Variants in SYT13 observed in about 807,000 individuals in gnomAD.
SYT13 encodes the protein synaptotagmin-13.
SYT13 carries 21 observed loss-of-function variants against 38.6 expected under a neutral mutation model. The ratio of observed to expected loss-of-function variants is 0.54; its 90% confidence interval spans 0.39 to 0.78. The LOEUF is 0.78. Ranked by LOEUF, SYT13 falls within the 30% of genes least tolerant of loss-of-function variation. The pLI, the probability that SYT13 is intolerant of heterozygous loss-of-function variation, is 0.00. For missense variants in SYT13, 495 were observed against 548.7 expected, an observed-to-expected ratio of 0.90 and a Z score of 0.98; for synonymous variants, 241 against 237.6, an observed-to-expected ratio of 1.01 and a Z score of -0.13.
At chr11:45,264,353 G>A (rs1854856175) in intron 1 of SYT13, among the ~76,000 whole-genome samples, 1 of 152,182 alleles carries the variant, frequency 6.6e-6, no homozygotes, top group South Asian at 2.1e-4. Context: ...GCAAATGTGA[G>A]AAGACAATGC....
At chr11:45,260,485 G>C (rs1014341990) in intron 1 of SYT13, among the ~76,000 whole-genome samples, 1 of 152,150 alleles carries the variant, frequency 6.6e-6, no homozygotes, top group Admixed American at 6.5e-5. Flanking sequence ...AAGAATGTCT[G>C]GGGGAAGGAG....
In SYT13 at chr11:45,248,253, T is replaced by C. The variant is rs112989103; in HGVS notation, c.847-1741A>G. ...TTAAACACTGTGTGTGAAGTGCAAT[T>C]ACATTGTCCATCCCACTAGAAAGTA... On this transcript the variant is annotated intron_variant, in intron 4 of 5. Transcript: ENST00000020926. Among the ~76,000 whole-genome samples the C allele has an allele frequency of 2.2e-4, 33 of 152,316 alleles. 1 individual carries two copies. Among genetic ancestry groups the C allele is most frequent in the Admixed American group, 7.8e-4 (12 of 15,308 alleles).
intron 1 of SYT13, among the ~76,000 whole-genome samples, chr11:45,265,185 C>G (rs1255500829): frequency 1.3e-5 from 2 of 152,236 alleles, no homozygotes; most frequent in Non-Finnish European, 2.9e-5. Flanking sequence ...TTCAGGTACA[C>G]TCAACAATAG....
At chr11:45,254,505 C>T in intron 2 of SYT13, 101 bp from the exon 3 acceptor site, 2 of 1,493,478 alleles carry the variant, frequency 1.3e-6, no homozygotes, top group South Asian at 1.4e-5. Context: ...AACCCAAACC[C>T]AAGTCTTCCC....
chr11:45,286,169 C>T lies in SYT13; in HGVS notation c.39G>A (p.Thr13=), dbSNP rs1855133497. ...CGAGGATGCTGGTGGCTGTGCCCAG[C>T]GTGGCGCCCAGCGCGATCACAGGCA... ...LSVPVIALGA[T]LGTATSILAL... The change falls in exon 1 of 6, where the codon ACG becomes ACA. Residue 13 remains threonine, a synonymous_variant. Coordinates refer to ENST00000020926, the MANE Select transcript of SYT13 (RefSeq NM_020826.3). 1.3e-6 allele frequency: 2 copies of T among 1,583,338 alleles called. No homozygotes were observed. The highest frequency in any genetic ancestry group is 8.6e-7 in the Non-Finnish European group (1 of 1,168,406).
intron 1 of SYT13, among the ~76,000 whole-genome samples, chr11:45,270,458 T>C (rs1004880175): frequency 1.3e-5 from 2 of 152,234 alleles, no homozygotes; most frequent in Admixed American, 1.3e-4. Context: ...TACATGATTC[T>C]ATGGTGTTCA....
Position 45,246,414 on chromosome 11 carries a change from G to A in SYT13, c.945C>T (p.His315=). The A allele has an allele frequency of 1.2e-6, 2 of 1,614,120 alleles. No individual in the cohort carries two copies. Among genetic ancestry groups the A allele is most frequent in the Non-Finnish European group, 1.7e-6 (2 of 1,179,998 alleles). The part of the protein sequence containing the change: ...LVVLIKAKNL[H]SNQSKELLGK... ...CCAGGAGCTCCTTGGACTGGTTAGA[G>A]TGGAGGTTCTTGGCTTTAATCAGCA... The change falls in exon 5 of 6, where the codon CAC becomes CAT. Residue 315 remains histidine (H), a synonymous_variant. Coordinates refer to ENST00000020926, the MANE Select transcript of SYT13 (RefSeq NM_020826.3).
chr11:45,247,753 A>G (rs1454777043), intron 4 of SYT13, among the ~76,000 whole-genome samples: 1 of 152,236 alleles, frequency 6.6e-6, no homozygotes, highest in Non-Finnish European at 1.5e-5. Flanking sequence ...TGCACCTACT[A>G]TATTCCAGAT....
intron 1 of SYT13, among the ~76,000 whole-genome samples, chr11:45,262,366 C>T (rs1441558920): frequency 6.6e-6 from 1 of 152,096 alleles, no homozygotes; most frequent in Non-Finnish European, 1.5e-5. Context: ...TTTAGTTTTA[C>T]AGCACAAAAA....
chr11:45,278,896 T>C (rs2135910880), intron 1 of SYT13, among the ~76,000 whole-genome samples: 1 of 152,318 alleles, frequency 6.6e-6, no homozygotes, highest in South Asian at 2.1e-4. Flanking sequence ...GTCTTCCACG[T>C]TGCTAAGCAA....
intron 1 of SYT13, among the ~76,000 whole-genome samples, chr11:45,275,491 C>T (rs1854999827): frequency 6.6e-6 from 1 of 152,160 alleles, no homozygotes; most frequent in South Asian, 2.1e-4. Flanking sequence ...ACTGGTACTC[C>T]ATTATTTTAA....
intron 1 of SYT13, among the ~76,000 whole-genome samples, chr11:45,261,595 TA>T (rs1225965341): frequency 6.9e-4 from 76 of 110,576 alleles, no homozygotes; most frequent in Admixed American, 7.4e-4. Context: ...AGACTCCGTC[TA>T]AAAAAAAAAA....
Position 45,269,563 on chromosome 11 carries a change from A to T in SYT13, c.184-13672T>A, listed in dbSNP as rs1476775801. On this transcript the variant is annotated intron_variant, in intron 1 of 5. Coordinates refer to ENST00000020926, the MANE Select transcript of SYT13 (RefSeq NM_020826.3). Reference sequence around the variant, plus strand: ...TTTAATCTTCACGCAACTATAGATAAGTGCCTAATATTTTCTCTATTCTAT... The same window carrying T: ...TTTAATCTTCACGCAACTATAGATATGTGCCTAATATTTTCTCTATTCTAT... 47 of 938,320 alleles carry T rather than the reference A, an allele frequency of 5.0e-5. No homozygotes were observed. The East Asian group carries it at 2.8e-3, about 56-fold the overall frequency. 58.1% of individuals were successfully genotyped at this position (938,320 alleles called of 1,614,324 possible). A position where few individuals can be genotyped will look rare whatever the true frequency, so the allele number is the denominator to read the frequency against.
At position 45,252,774 on chromosome 11, in the gene SYT13, G is replaced by A; in HGVS notation, c.545-52C>T. The A allele has an allele frequency of 2.0e-6, 3 of 1,512,388 alleles. No individual in the cohort carries two copies. Among genetic ancestry groups the A allele is most frequent in the Middle Eastern group, 3.6e-4 (2 of 5,554 alleles). 93.7% of individuals were successfully genotyped at this position (1,512,388 alleles called of 1,614,324 possible). On this transcript the variant is annotated intron_variant, in intron 3 of 5. Transcript: ENST00000020926. This position sits in a 1 kb window ranked among gnomAD's most constrained non-coding sequence, Gnocchi z 4.3. ...GTGGGACTTTCTGAGGACAAGTGGA[G>A]GGGGCAGAAGCACGCCTTGCTTAGG...
At chr11:45,267,494 C>T (rs1274220090) in intron 1 of SYT13, among the ~76,000 whole-genome samples, 1 of 152,138 alleles carries the variant, frequency 6.6e-6, no homozygotes, top group Non-Finnish European at 1.5e-5. Flanking sequence ...TTGGTGGGTT[C>T]TAGGTGGAGC....
chr11:45,269,325 AAAC>A (rs1180527406), intron 1 of SYT13: 11 of 722,056 alleles, frequency 1.5e-5, no homozygotes, highest in Admixed American at 4.8e-5. Context: ...ATTATTAAAA[AAAC>A]AAACAAAAAA....
At position 45,255,894 on chromosome 11, in the gene SYT13, G is replaced by A. The variant is rs771960608; in HGVS notation, c.184-3C>T. 18 of 1,613,816 alleles carry A rather than the reference G, an allele frequency of 1.1e-5. No homozygotes were observed. The Middle Eastern group carries it at 1.2e-3, about 103-fold the overall frequency. On this transcript the variant is annotated splice_polypyrimidine_tract_variant and splice_region_variant and intron_variant, in intron 1 of 5. Transcript: ENST00000020926. ...TCCGTGGACTTTTTAACATTGAACT[G>A]CAAACACAAATTACTCTGATTAGTC... is the stretch of plus-strand genomic sequence containing the variant.
In SYT13 at chr11:45,286,273, C is replaced by G. The variant is rs376328514; in HGVS notation, c.-66G>C. ...CACCTTCCCCGGGCCGGGCCCGCCT[C>G]CAGGCAGCTCCCGGGATCCGGGCGA... On this transcript the variant is annotated 5_prime_UTR_variant, in exon 1 of 6. Coordinates refer to ENST00000020926, the MANE Select transcript of SYT13 (RefSeq NM_020826.3). 8 of 1,447,702 alleles carry G rather than the reference C, an allele frequency of 5.5e-6. No homozygotes were observed. Among genetic ancestry groups the G allele is most frequent in the East Asian group, 5.2e-5 (2 of 38,368 alleles). 89.7% of individuals were successfully genotyped at this position (1,447,702 alleles called of 1,614,324 possible). A position where few individuals can be genotyped will look rare whatever the true frequency, so the allele number is the denominator to read the frequency against.
intron 1 of SYT13, among the ~76,000 whole-genome samples, chr11:45,282,163 G>A (rs1205872164): frequency 6.6e-6 from 1 of 152,170 alleles, no homozygotes; most frequent in Non-Finnish European, 1.5e-5. Flanking sequence ...CTTTCTCCTT[G>A]CTCAAGCTGC....
Sources: gnomAD v4.1 joint callset for allele counts (sites outside exome capture counted in the v4.1 genomes callset) on GRCh38, gnomAD v4.1.1 for gene constraint, Gnocchi (gnomAD v3.1) non-coding constraint, MANE v1.5 for transcripts, NCBI Gene and HGNC (gene_info 2026-07-23, HGNC 2026-07-21) for gene names.